The following SHANK1 variants were observed in gnomAD, a reference collection of about 807,000 sequenced individuals.
The protein encoded by SHANK1 is SH3 and multiple ankyrin repeat domains 1.
SHANK1 carries 35 observed loss-of-function variants against 165.6 expected under a neutral mutation model. That is an observed-to-expected ratio of 0.21 (90% CI 0.16 to 0.28). The LOEUF is 0.28. SHANK1 is among the 10% of genes least tolerant of loss of function. The pLI is 1.00. For synonymous variants in SHANK1, 1,428 were observed against 1,384.8 expected, an observed-to-expected ratio of 1.03 and a Z score of -0.69; for missense variants, 2,681 against 3,036.4, an observed-to-expected ratio of 0.88 and a Z score of 2.75.
In SHANK1 at chr19:50,688,774, T is replaced by G; in HGVS notation, c.2172+70A>C. ...AGAATAAAACTGGGCAGCCAGATCC[T>G]GGTGTGAATCATGAGGGGGTCTGGG... On this transcript the variant is annotated intron_variant, in intron 17 of 23. Coordinates refer to ENST00000293441, the MANE Select transcript of SHANK1 (RefSeq NM_016148.5). This position sits in a 1 kb window ranked among gnomAD's most constrained non-coding sequence, Gnocchi z 6.7. 1 of 1,513,906 alleles carries G rather than the reference T, an allele frequency of 6.6e-7. No homozygotes were observed. Among genetic ancestry groups the G allele is most frequent in the East Asian group, 2.3e-5 (1 of 42,918 alleles). 93.8% of individuals were successfully genotyped at this position (1,513,906 alleles called of 1,614,324 possible). A position where few individuals can be genotyped will look rare whatever the true frequency, so the allele number is the denominator to read the frequency against.
chr19:50,669,866 T>G (rs1167002033), intron 22 of SHANK1, among the ~76,000 whole-genome samples: 3 of 150,944 alleles, frequency 2.0e-5, no homozygotes, highest in South Asian at 2.1e-4. Flanking sequence ...ACGCCAGGAG[T>G]TGGGGAAAGC....
intron 7 of SHANK1, 147 bp from the exon 8 acceptor site, chr19:50,711,634 G>C: frequency 1.4e-6 from 1 of 692,652 alleles, no homozygotes; most frequent in Non-Finnish European, 2.4e-6. Context: ...CCCGCTTCCT[G>C]CTCTGGGACC....
chr19:50,687,466 A>T lies in SHANK1; in HGVS notation c.2389+116T>A, dbSNP rs182628026. 6.0e-4 allele frequency: 457 copies of T among 757,136 alleles called. 4 individuals are homozygous for T. In the East Asian group the frequency reaches 9.3e-3, roughly 15 times the overall value. The allele number at this position is 757,136 out of a possible 1,614,324, so 46.9% of individuals were successfully genotyped here. A position where few individuals can be genotyped will look rare whatever the true frequency, so the allele number is the denominator to read the frequency against. ...CCAGAGTCCGACCCATGGACTGGGGACAGGATGAGGACAAGGACCCCTGGT... is the reference window on the plus strand; with the variant it reads ...CCAGAGTCCGACCCATGGACTGGGGTCAGGATGAGGACAAGGACCCCTGGT... On this transcript the variant is annotated intron_variant, in intron 19 of 23. Coordinates refer to ENST00000293441, the MANE Select transcript of SHANK1 (RefSeq NM_016148.5).
rs2123209634 is a variant in SHANK1, at chr19:50,716,887, C to T, written c.33G>A (p.Glu11=). 1 of 1,467,116 alleles carries T rather than the reference C, an allele frequency of 6.8e-7. No individual in the cohort carries two copies. The highest frequency in any genetic ancestry group is 2.5e-5 in the East Asian group (1 of 40,302). The allele number at this position is 1,467,116 out of a possible 1,614,324, so 90.9% of individuals were successfully genotyped here. A position where few individuals can be genotyped will look rare whatever the true frequency, so the allele number is the denominator to read the frequency against. The change falls in exon 2 of 24, where the codon GAG becomes GAA. Residue 11 remains glutamate, a synonymous_variant. Transcript: ENST00000293441. The surrounding 1 kb of genome is among the most constrained non-coding windows in gnomAD (Gnocchi z 8.4). Reference sequence around the variant, plus strand: ...GACACTCGCTGGCACTGTGGCGTTCCTCGTCCTCGCTTGTCGCGGGGCTGT... The same window carrying T: ...GACACTCGCTGGCACTGTGGCGTTCTTCGTCCTCGCTTGTCGCGGGGCTGT... MTHSPATSED[E]ERHSASECPE...
In SHANK1 at chr19:50,703,674, C is replaced by G; in HGVS notation, c.1379G>C (p.Gly460Ala). ...GGACCCTGAGGTAGGGCCAGGGGCC[C>G]CAGAGGACGCGGCCCCCGGGGCGGA... Reference protein sequence around the residue: ...VFSAPGAASSGAPGPTSGSQG... With the variant: ...VFSAPGAASSAAPGPTSGSQG... Residue 460 changes from glycine to alanine, a missense_variant, in exon 11 of 24, where the codon GGG becomes GCG. By Grantham distance (60) the Gly-to-Ala change is moderately conservative. Around this residue, in one of 10 missense-constraint regions of SHANK1, gnomAD observed 195 missense variants for 186.2 expected, o/e 1.05. Transcript: ENST00000293441. 6.8e-7 allele frequency: 1 copy of G among 1,478,824 alleles called. No homozygotes were observed. Among genetic ancestry groups the G allele is most frequent in the Non-Finnish European group, 9.0e-7 (1 of 1,116,216 alleles). 91.6% of individuals were successfully genotyped at this position (1,478,824 alleles called of 1,614,324 possible).
chr19:50,701,897 C>A lies in SHANK1; in HGVS notation c.1747+570G>T, dbSNP rs970484058. On this transcript the variant is annotated intron_variant, in intron 12 of 23. Coordinates refer to ENST00000293441, the MANE Select transcript of SHANK1 (RefSeq NM_016148.5). ...TGGAAAAACCAAAGGGAGGTGAACC[C>A]TGATAACAGCACCACCATTTTGGGA... 3.3e-5 allele frequency among the ~76,000 whole-genome samples: 5 copies of A among 152,210 alleles called. No homozygotes were observed. The East Asian group carries it at 9.6e-4, about 29-fold the overall frequency.
intron 15 of SHANK1, among the ~76,000 whole-genome samples, chr19:50,696,122 CAG>C (rs1422963691): frequency 6.6e-6 from 1 of 152,148 alleles, no homozygotes; most frequent in African/African-American, 2.4e-5. Context: ...ATTGACAAGA[CAG>C]AGTAGAAGGA....
In SHANK1 at chr19:50,668,249, C is replaced by A. The variant is rs1192061860; in HGVS notation, c.3711G>T (p.Val1237=). 1 of 1,446,748 alleles carries A rather than the reference C, an allele frequency of 6.9e-7. No individual in the cohort carries two copies. The highest frequency in any genetic ancestry group is 1.5e-5 in the South Asian group (1 of 68,464). The allele number at this position is 1,446,748 out of a possible 1,614,324, so 89.6% of individuals were successfully genotyped here. The stretch of plus-strand genomic sequence containing the variant: ...AGCCCCCCTCCCTCCGGGCCGCCCC[C>A]ACCAGGGCGGCCCCGAACTGGCTCG... The part of the protein sequence containing the change: ...DFTSQFGAAL[V]GAARREGGWQ... The change falls in exon 23 of 24, where the codon GTG becomes GTT. Residue 1237 remains valine (V), a synonymous_variant. Transcript: ENST00000293441.
Position 50,697,534 on chromosome 19 carries a change from A to G in SHANK1, c.1937+55T>C. ...GTGATGGAAATATTTAAAGGTGTACATTGTGAAGGGAACTTGGGGTGAGGG... is the reference window on the plus strand; with the variant it reads ...GTGATGGAAATATTTAAAGGTGTACGTTGTGAAGGGAACTTGGGGTGAGGG... On this transcript the variant is annotated intron_variant, in intron 14 of 23. Transcript: ENST00000293441. The surrounding 1 kb of genome is among the most constrained non-coding windows in gnomAD (Gnocchi z 4.7). 5.5e-6 allele frequency: 7 copies of G among 1,271,214 alleles called. No homozygotes were observed. The allele number at this position is 1,271,214 out of a possible 1,614,324, so 78.7% of individuals were successfully genotyped here.
chr19:50,662,061 G>T lies in SHANK1; in HGVS notation c.6390C>A (p.Pro2130=). ...CGACGTAGTCCTCCTTGGTCAAGGC[G>T]GGCAGGTGGGAGCCATCGATCTCGT... The part of the protein sequence containing the change: ...LDHEIDGSHL[P]ALTKEDYVDL... Residue 2130 remains proline (P), a synonymous_variant, in exon 24 of 24, where the codon CCC becomes CCA. Coordinates refer to ENST00000293441, the MANE Select transcript of SHANK1 (RefSeq NM_016148.5). The surrounding 1 kb of genome is among the most constrained non-coding windows in gnomAD (Gnocchi z 7.7). The T allele has an allele frequency of 6.2e-7, 1 of 1,614,198 alleles. No homozygotes were observed. Among genetic ancestry groups the T allele is most frequent in the Non-Finnish European group, 8.5e-7 (1 of 1,180,044 alleles).
Position 50,697,014 on chromosome 19 carries a change from C to A in SHANK1, c.1964+82G>T. 7 of 1,142,018 alleles carry A rather than the reference C, an allele frequency of 6.1e-6. No homozygotes were observed. In the South Asian group the frequency reaches 7.4e-5, roughly 12 times the overall value. The allele number at this position is 1,142,018 out of a possible 1,614,324, so 70.7% of individuals were successfully genotyped here. A position where few individuals can be genotyped will look rare whatever the true frequency, so the allele number is the denominator to read the frequency against. ...CACACCAAGAAACCTCAGCTCTGGT[C>A]GTGCACACACGTTCACACGCCCCCC... is the stretch of plus-strand genomic sequence containing the variant. On this transcript the variant is annotated intron_variant, in intron 15 of 23. Coordinates refer to ENST00000293441, the MANE Select transcript of SHANK1 (RefSeq NM_016148.5). This position sits in a 1 kb window ranked among gnomAD's most constrained non-coding sequence, Gnocchi z 4.7.
At position 50,670,118 on chromosome 19, in the gene SHANK1, G is replaced by A. The variant is rs1469217155; in HGVS notation, c.2675-833C>T. 1.3e-5 allele frequency among the ~76,000 whole-genome samples: 2 copies of A among 151,918 alleles called. No individual in the cohort carries two copies. Among genetic ancestry groups the A allele is most frequent in the African/African-American group, 4.8e-5 (2 of 41,338 alleles). ...ACCCACACCCAGCTGGCTGTCTCAC[G>A]GGCATCTCAGACTCCAAACGCTCCA... On this transcript the variant is annotated intron_variant, in intron 22 of 23. Transcript: ENST00000293441. This position sits in a 1 kb window ranked among gnomAD's most constrained non-coding sequence, Gnocchi z 4.1.
chr19:50,667,416 C>T lies in SHANK1; in HGVS notation c.4544G>A (p.Gly1515Glu). ...TSGRGPPSEDGPGVPPPSPRR... is the reference protein window; with the variant it reads ...TSGRGPPSEDEPGVPPPSPRR... ...TGGGCTGGGCGGCGGGACCCCCGGC[C>T]CGTCCTCCGAGGGGGGACCCCTTCC... The change falls in exon 23 of 24, where the codon GGG (glycine) becomes GAG (glutamate). Residue 1515 changes from glycine (G) to glutamate (E), a missense_variant. Around this residue, in one of 10 missense-constraint regions of SHANK1, gnomAD observed 1,713 missense variants for 1,630.2 expected, o/e 1.05. Coordinates refer to ENST00000293441, the MANE Select transcript of SHANK1 (RefSeq NM_016148.5). This position sits in a 1 kb window ranked among gnomAD's most constrained non-coding sequence, Gnocchi z 5.7. The T allele has an allele frequency of 1.3e-6, 2 of 1,518,856 alleles. No individual in the cohort carries two copies. Among genetic ancestry groups the T allele is most frequent in the Non-Finnish European group, 1.8e-6 (2 of 1,140,240 alleles). 94.1% of individuals were successfully genotyped at this position (1,518,856 alleles called of 1,614,324 possible). A position where few individuals can be genotyped will look rare whatever the true frequency, so the allele number is the denominator to read the frequency against.
chr19:50,716,979 C>A lies in SHANK1; in HGVS notation c.-43-17G>T. The A allele has an allele frequency of 7.2e-7, 1 of 1,394,742 alleles. No homozygotes were observed. Among genetic ancestry groups the A allele is most frequent in the Non-Finnish European group, 9.3e-7 (1 of 1,078,486 alleles). 86.4% of individuals were successfully genotyped at this position (1,394,742 alleles called of 1,614,324 possible). ...CACAGGCGGCTGCAGGGGCCAAGGG[C>A]GGCCATCAGACTAGGAGCCCGGGAC... On this transcript the variant is annotated splice_polypyrimidine_tract_variant and intron_variant, in intron 1 of 23. Coordinates refer to ENST00000293441, the MANE Select transcript of SHANK1 (RefSeq NM_016148.5). This position sits in a 1 kb window ranked among gnomAD's most constrained non-coding sequence, Gnocchi z 8.4.
In SHANK1 at chr19:50,713,284, G is replaced by C. The variant is rs2089029664; in HGVS notation, c.792+514C>G. On this transcript the variant is annotated intron_variant, in intron 6 of 23. Transcript: ENST00000293441. The surrounding 1 kb of genome is among the most constrained non-coding windows in gnomAD (Gnocchi z 6.2). ...CTGTGTATGTATTTTGTGGGTGTAT[G>C]GGTTTGTCTATTTGGGAAAGTGCAT... Among the ~76,000 whole-genome samples, 1 of 152,050 alleles carries C rather than the reference G, an allele frequency of 6.6e-6. No homozygotes were observed. The highest frequency in any genetic ancestry group is 1.5e-5 in the Non-Finnish European group (1 of 68,006).
chr19:50,668,386 C>A lies in SHANK1; in HGVS notation c.3574G>T (p.Gly1192Cys). The part of the protein sequence containing the change: ...PTQPEPTGGG[G>C]GGGSSPSPAP... The stretch of plus-strand genomic sequence containing the variant: ...GGGCTGGGCGAGGAGCCGCCGCCGC[C>A]GCCGCCTCCCGTGGGCTCCGGCTGG... The change falls in exon 23 of 24, where the codon GGC (glycine) becomes TGC (cysteine). Residue 1192 changes from glycine to cysteine, a missense_variant. Transcript: ENST00000293441. 7.7e-7 allele frequency: 1 copy of A among 1,301,278 alleles called. No homozygotes were observed. Among genetic ancestry groups the A allele is most frequent in the South Asian group, 3.0e-5 (1 of 33,228 alleles). The allele number at this position is 1,301,278 out of a possible 1,614,324, so 80.6% of individuals were successfully genotyped here.
At chr19:50,694,898 G>A (rs1986681453) in intron 15 of SHANK1, among the ~76,000 whole-genome samples, 1 of 150,572 alleles carries the variant, frequency 6.6e-6, no homozygotes, top group East Asian at 2.0e-4. Context: ...GGCGCGCTCC[G>A]TTACCTGTAG....
Position 50,661,942 on chromosome 19 carries a change from G to T in SHANK1, c.*23C>A. ...GCAGGCTCAAGAGTTCTGTGGACGG[G>T]GCTGGTCCGTCCAGGCCAGCCATCA... On this transcript the variant is annotated 3_prime_UTR_variant, in exon 24 of 24. Coordinates refer to ENST00000293441, the MANE Select transcript of SHANK1 (RefSeq NM_016148.5). 5.6e-6 allele frequency: 9 copies of T among 1,612,616 alleles called. No homozygotes were observed. The highest frequency in any genetic ancestry group is 7.6e-6 in the Non-Finnish European group (9 of 1,179,480).
chr19:50,689,340 CA>C, intron 15 of SHANK1, 61 bp from the exon 16 acceptor site: 1 of 1,264,576 alleles, frequency 7.9e-7, no homozygotes, highest in East Asian at 2.3e-5. Context: ...CATCATGAGA[CA>C]CAGAGGCTGT....
Sources: gnomAD v4.1 joint callset for allele counts (sites outside exome capture counted in the v4.1 genomes callset) on GRCh38, gnomAD v4.1.1 for gene constraint, gnomAD v4.1.1 regional missense constraint, Gnocchi (gnomAD v3.1) non-coding constraint, MANE v1.5 for transcripts, NCBI Gene and HGNC (gene_info 2026-07-23, HGNC 2026-07-21) for gene names.